Variants in FBXW10B observed in about 807,000 individuals in gnomAD.
The protein encoded by FBXW10B is F-box and WD repeat domain containing protein 10B.
the FBXW10B span, among the ~76,000 whole-genome samples, chr17:15,614,388 G>A: frequency 2.6e-5 from 4 of 151,800 alleles, no homozygotes; most frequent in South Asian, 6.2e-4. Context: ...TAGAGGCGGG[G>A]TTTCACCGTG....
At chr17:15,589,019 G>A in the FBXW10B span, 1 of 1,611,070 alleles carries the variant, frequency 6.2e-7, no homozygotes. Flanking sequence ...ACATGGGTCG[G>A]AGCTGTGGTT....
the FBXW10B span, among the ~76,000 whole-genome samples, chr17:15,584,968 CTTTTT>C: frequency 7.9e-6 from 1 of 125,918 alleles, no homozygotes. Flanking sequence ...CCTTCTTCTT[CTTTTT>C]TTTTTTTTTT....
the FBXW10B span, among the ~76,000 whole-genome samples, chr17:15,576,178 T>C: frequency 3.9e-5 from 6 of 152,284 alleles, no homozygotes; most frequent in East Asian, 1.2e-3. Context: ...AGGTATCTTA[T>C]ATATATATTT....
chr17:15,582,248 T>G, the FBXW10B span, among the ~76,000 whole-genome samples: 2 of 148,442 alleles, frequency 1.3e-5, no homozygotes, highest in Non-Finnish European at 3.0e-5. Context: ...AAATCAGTCT[T>G]TGACATAATA....
At chr17:15,587,207 G>A in the FBXW10B span, among the ~76,000 whole-genome samples, 1 of 150,976 alleles carries the variant, frequency 6.6e-6, no homozygotes, top group African/African-American at 2.5e-5. Context: ...GGACAAGGCA[G>A]AATGGATTAT....
chr17:15,594,912 T>G, the FBXW10B span: 1 of 1,613,010 alleles, frequency 6.2e-7, no homozygotes, highest in African/African-American at 1.3e-5. Context: ...GATACCACTG[T>G]CTTCAACTCA....
chr17:15,596,385 A>C, the FBXW10B span: 1 of 1,302,242 alleles, frequency 7.7e-7, no homozygotes, highest in South Asian at 1.6e-5. Flanking sequence ...TCCCCTTTAG[A>C]GCTTCAGGAC....
the FBXW10B span, among the ~76,000 whole-genome samples, chr17:15,586,137 T>C: frequency 6.6e-6 from 1 of 151,726 alleles, no homozygotes; most frequent in South Asian, 2.1e-4. Flanking sequence ...TCTATGGTAT[T>C]GGTTGTTGTT....
chr17:15,601,148 G>A, the FBXW10B span, among the ~76,000 whole-genome samples: 1 of 149,052 alleles, frequency 6.7e-6, no homozygotes, highest in Non-Finnish European at 1.5e-5. Flanking sequence ...AGTAGCTCAC[G>A]CCTGTAATCC....
chr17:15,615,503 C>A, the FBXW10B span: 1 of 1,418,720 alleles, frequency 7.0e-7, no homozygotes, highest in Admixed American at 2.6e-5. Context: ...TTAGTAGAGA[C>A]GGGGTTTCAC....
chr17:15,602,906 C>T, the FBXW10B span, among the ~76,000 whole-genome samples: 1 of 121,410 alleles, frequency 8.2e-6, no homozygotes. Flanking sequence ...GGATTACAGG[C>T]GTGAGCCACC....
chr17:15,574,146 A>C, the FBXW10B span: 1 of 751,488 alleles, frequency 1.3e-6, no homozygotes, highest in Admixed American at 1.8e-5. Context: ...CTTCCTTGAG[A>C]GTGTGCCAAG....
the FBXW10B span, among the ~76,000 whole-genome samples, chr17:15,609,636 C>T: frequency 5.2e-4 from 79 of 152,044 alleles, no homozygotes; most frequent in African/African-American, 1.9e-3. Flanking sequence ...ACAACACCTC[C>T]TCGATCTATG....
the FBXW10B span, among the ~76,000 whole-genome samples, chr17:15,579,836 T>C: frequency 2.0e-5 from 3 of 152,222 alleles, no homozygotes; most frequent in African/African-American, 4.8e-5. Flanking sequence ...CTCTTATTTG[T>C]TCTTAATTTC....
chr17:15,585,326 T>A, the FBXW10B span, among the ~76,000 whole-genome samples: 4 of 152,220 alleles, frequency 2.6e-5, no homozygotes, highest in East Asian at 7.7e-4. Context: ...AAAAATAGAA[T>A]TAAAAGATAA....
At chr17:15,614,644 A>G in the FBXW10B span, among the ~76,000 whole-genome samples, 2,200 of 152,276 alleles carry the variant, frequency 0.014, 49 homozygotes, top group African/African-American at 0.05. Context: ...AACTTAAGAA[A>G]GGGGGGAAAA....
At chr17:15,583,677 T>C in the FBXW10B span, among the ~76,000 whole-genome samples, 1 of 151,308 alleles carries the variant, frequency 6.6e-6, no homozygotes, top group Non-Finnish European at 1.5e-5. Context: ...AAGAAGAAGC[T>C]CAGCAAGTTG....
chr17:15,608,220 G>T, the FBXW10B span, among the ~76,000 whole-genome samples: 2 of 146,018 alleles, frequency 1.4e-5, no homozygotes, highest in East Asian at 4.3e-4. Context: ...GAGTGTAGTG[G>T]TGCAATCTCA....
the FBXW10B span, among the ~76,000 whole-genome samples, chr17:15,608,539 C>A: frequency 6.2e-4 from 95 of 152,100 alleles, no homozygotes; most frequent in African/African-American, 2.3e-3. Context: ...CTGCAACCTC[C>A]GCCTCCCGAG....
Sources: allele counts gnomAD v4.1 joint callset (sites outside exome capture counted in the v4.1 genomes callset), GRCh38; gene constraint gnomAD v4.1.1; transcripts MANE v1.5; gene names NCBI Gene and HGNC (gene_info 2026-07-23, HGNC 2026-07-21).